Variants in PDE4B observed in about 807,000 individuals in gnomAD.
The protein encoded by PDE4B is phosphodiesterase 4B, also known as 3',5'-cyclic-AMP phosphodiesterase 4B.
In PDE4B, 20 loss-of-function variants were observed where a neutral mutation model predicts 82.2. That is an observed-to-expected ratio of 0.24 (90% CI 0.17 to 0.35). The LOEUF (loss-of-function observed/expected upper bound fraction) is 0.35. Among genes scored for constraint, PDE4B ranks in the 10% least tolerant of loss-of-function variants. The pLI, the probability that PDE4B is intolerant of heterozygous loss-of-function variation, is 1.00. For synonymous variants in PDE4B, 320 were observed against 318.9 expected, an observed-to-expected ratio of 1.00 and a Z score of -0.04; for missense variants, 655 against 907.2, an observed-to-expected ratio of 0.72 and a Z score of 3.57.
chr1:66,360,868 T>C (rs2102026335), intron 9 of PDE4B: 1 of 152,302 alleles, frequency 6.6e-6, no homozygotes, highest in South Asian at 2.1e-4. Flanking sequence ...TGAAGTATCA[T>C]AAATATTTAA....
At chr1:66,300,653 G>T (rs1392541218) in intron 7 of PDE4B, among the ~76,000 whole-genome samples, 3 of 152,162 alleles carry the variant, frequency 2.0e-5, no homozygotes, top group Non-Finnish European at 4.4e-5. Flanking sequence ...CCTACAGTGT[G>T]TGTATAGCTG....
At chr1:66,057,625 C>A (rs1655371666) in intron 3 of PDE4B, among the ~76,000 whole-genome samples, 1 of 152,166 alleles carries the variant, frequency 6.6e-6, no homozygotes, top group African/African-American at 2.4e-5. Context: ...CAAGGAGGAG[C>A]AAGTCACGTC....
rs370993392 is a variant in PDE4B, at chr1:66,309,473, G to A, written c.635-23035G>A. Among the ~76,000 whole-genome samples, 6 of 152,322 alleles carry A rather than the reference G, an allele frequency of 3.9e-5. No homozygotes were observed. In the South Asian group the frequency reaches 1.2e-3, roughly 32 times the overall value. ...TATATAAGACAGTACTTTCCAAATT[G>A]TAAGACAAGAATATGGTATGATTCT... On this transcript the variant is annotated intron_variant, in intron 7 of 16. Transcript: ENST00000341517.
chr1:66,200,583 T>A (rs1467344504), intron 3 of PDE4B, among the ~76,000 whole-genome samples: 1 of 152,156 alleles, frequency 6.6e-6, no homozygotes, highest in Non-Finnish European at 1.5e-5. Context: ...GTTGGATTCC[T>A]AGGTATTTTA....
intron 3 of PDE4B, among the ~76,000 whole-genome samples, chr1:66,181,107 G>T: frequency 6.6e-6 from 1 of 152,182 alleles, no homozygotes; most frequent in Non-Finnish European, 1.5e-5. Context: ...CAGGAATGAT[G>T]AATCTAGTCA....
At chr1:66,354,368 A>C in intron 8 of PDE4B, 1 of 985,558 alleles carries the variant, frequency 1.0e-6, no homozygotes, top group African/African-American at 1.7e-5. Flanking sequence ...TTAAATATTC[A>C]TGGGGCTTCC....
chr1:66,303,370 T>C (rs79326238), intron 7 of PDE4B, among the ~76,000 whole-genome samples: 9,941 of 130,760 alleles, frequency 0.076, 1,016 homozygotes, highest in African/African-American at 0.25. Flanking sequence ...TATATATATA[T>C]ACACACACAC....
At chr1:66,043,543 G>C (rs1022961991) in intron 3 of PDE4B, among the ~76,000 whole-genome samples, 55 of 151,738 alleles carry the variant, frequency 3.6e-4, no homozygotes, top group Admixed American at 1.8e-3. Context: ...TGTACCACCT[G>C]AGAGCAGCTG....
intron 7 of PDE4B, among the ~76,000 whole-genome samples, chr1:66,273,143 C>G (rs1248518991): frequency 1.3e-5 from 2 of 152,150 alleles, no homozygotes; most frequent in Admixed American, 6.5e-5. Context: ...AATGTCTCAC[C>G]AGGCATGCAA....
At chr1:66,046,791 A>G (rs1654740234) in intron 3 of PDE4B, among the ~76,000 whole-genome samples, 1 of 151,846 alleles carries the variant, frequency 6.6e-6, no homozygotes, top group African/African-American at 2.4e-5. Flanking sequence ...TTCACTTAGG[A>G]ATATTATCCC....
At chr1:66,102,289 A>G (rs1645241210) in intron 3 of PDE4B, among the ~76,000 whole-genome samples, 1 of 152,110 alleles carries the variant, frequency 6.6e-6, no homozygotes, top group South Asian at 2.1e-4. Context: ...TTAAATATGG[A>G]ATTTCATCAT....
intron 3 of PDE4B, among the ~76,000 whole-genome samples, chr1:66,211,966 T>A (rs1232488457): frequency 2.0e-5 from 3 of 152,232 alleles, no homozygotes; most frequent in Non-Finnish European, 4.4e-5. Flanking sequence ...CAGAGATTTT[T>A]CTTGCTTTCT....
At chr1:66,130,470 C>T (rs1645918119) in intron 3 of PDE4B, among the ~76,000 whole-genome samples, 1 of 152,156 alleles carries the variant, frequency 6.6e-6, no homozygotes, top group South Asian at 2.1e-4. Context: ...TGATCAATCC[C>T]ATGTAGTGGA....
chr1:65,881,793 A>G (rs1443484734), intron 1 of PDE4B, among the ~76,000 whole-genome samples: 1 of 152,232 alleles, frequency 6.6e-6, no homozygotes, highest in South Asian at 2.1e-4. Flanking sequence ...TTGCTAAATC[A>G]GCAAACATTT....
chr1:65,797,381 A>G (rs979792608), intron 1 of PDE4B, among the ~76,000 whole-genome samples: 3 of 152,096 alleles, frequency 2.0e-5, no homozygotes, highest in Admixed American at 6.5e-5. Flanking sequence ...CATTTTAGCT[A>G]TTGTGTTAGA....
chr1:66,185,352 AC>A (rs1280178187), intron 3 of PDE4B, among the ~76,000 whole-genome samples: 1 of 152,210 alleles, frequency 6.6e-6, no homozygotes, highest in East Asian at 1.9e-4. Flanking sequence ...TCGGGTATAT[AC>A]CCAGTAATGG....
chr1:66,259,407 G>A (rs1570574178), intron 6 of PDE4B, among the ~76,000 whole-genome samples: 1 of 152,128 alleles, frequency 6.6e-6, no homozygotes, highest in African/African-American at 2.4e-5. Context: ...AATAATCATG[G>A]TCTGTTGTTC....
chr1:65,857,800 T>A (rs1469482221), intron 1 of PDE4B, among the ~76,000 whole-genome samples: 1 of 152,246 alleles, frequency 6.6e-6, no homozygotes, highest in African/African-American at 2.4e-5. Context: ...GTCAGATATC[T>A]TAATGACTAG....
intron 3 of PDE4B, among the ~76,000 whole-genome samples, chr1:66,144,359 A>T (rs915248281): frequency 6.6e-6 from 1 of 152,248 alleles, no homozygotes; most frequent in Non-Finnish European, 1.5e-5. Context: ...ACATGATCTA[A>T]TAGAAACAAG....
Sources: allele counts gnomAD v4.1 joint callset (sites outside exome capture counted in the v4.1 genomes callset), GRCh38; gene constraint gnomAD v4.1.1; transcripts MANE v1.5; gene names NCBI Gene and HGNC (gene_info 2026-07-23, HGNC 2026-07-21).